Variants in RIN3 observed in about 807,000 individuals in gnomAD.
RIN3 encodes RAB5 interacting protein 3.
In RIN3, 54 loss-of-function variants were observed where a neutral mutation model predicts 76.3. The ratio of observed to expected loss-of-function variants is 0.71; its 90% CI spans 0.57 to 0.89. RIN3 has a LOEUF of 0.89. Ranked by LOEUF, RIN3 falls within the 40% of genes least tolerant of loss-of-function variation. The probability of loss-of-function intolerance (pLI) is 0.00; values close to 1 mark genes in which losing one functional copy is unlikely to be tolerated. For synonymous variants in RIN3, 576 were observed against 564.0 expected (o/e 1.02, Z -0.30); for missense variants, 1,256 against 1,322.1 (o/e 0.95, Z 0.78).
chr14:92,603,321 C>T (rs1019211798), intron 3 of RIN3, among the ~76,000 whole-genome samples: 5 of 152,226 alleles, frequency 3.3e-5, no homozygotes, highest in Admixed American at 2.6e-4. Flanking sequence ...CTTCCAGCTC[C>T]CTGAACCCTA....
In RIN3 at chr14:92,550,448, C is replaced by G. The variant is rs561591243; in HGVS notation, c.45-5303C>G. Among the ~76,000 whole-genome samples, 42 of 151,818 alleles carry G rather than the reference C, an allele frequency of 2.8e-4. No individual in the cohort carries two copies. In the South Asian group the frequency reaches 8.6e-3, roughly 31 times the overall value. On this transcript the variant is annotated intron_variant, in intron 1 of 9. Coordinates refer to ENST00000216487, the MANE Select transcript of RIN3 (RefSeq NM_024832.5). ...ATTCATTTTGAGACAGGGTCTTGTT[C>G]TGTTACCCAGGCTGGAATGCAATGA...
chr14:92,653,483 A>T (rs1381021637), intron 6 of RIN3, among the ~76,000 whole-genome samples: 1 of 152,014 alleles, frequency 6.6e-6, no homozygotes, highest in African/African-American at 2.4e-5. Context: ...GCGGCTTCCC[A>T]CTGCGCTCAC....
intron 1 of RIN3, among the ~76,000 whole-genome samples, chr14:92,520,862 A>G (rs1055224640): frequency 6.6e-6 from 1 of 152,196 alleles, no homozygotes; most frequent in South Asian, 2.1e-4. Flanking sequence ...AATCTCAGTC[A>G]ATGTCAGAGA....
chr14:92,534,851 G>T (rs769018064), intron 1 of RIN3, among the ~76,000 whole-genome samples: 6 of 152,134 alleles, frequency 3.9e-5, no homozygotes, highest in Admixed American at 2.6e-4. Flanking sequence ...TGTTCCCCCT[G>T]AAGTGTTCAC....
Position 92,652,326 on chromosome 14 carries a change from C to T in RIN3, c.1277C>T (p.Pro426Leu). 6.2e-7 allele frequency: 1 copy of T among 1,604,350 alleles called. No homozygotes were observed. Among genetic ancestry groups the T allele is most frequent in the Non-Finnish European group, 8.5e-7 (1 of 1,174,046 alleles). Residue 426 changes from proline (P) to leucine (L), a missense_variant, in exon 6 of 10, where the codon CCC (proline) becomes CTC (leucine). Around this residue, in one of 3 missense-constraint regions of RIN3, gnomAD observed 610 missense variants for 626.4 expected, o/e 0.97. Transcript: ENST00000216487. The surrounding 1 kb of genome is among the most constrained non-coding windows in gnomAD (Gnocchi z 6.4). ...ACCTCAGACGGCCCTGAGGACACGCCCCGGGAGAGCACGGAGCAAGGCCAG... is the reference window on the plus strand; with the variant it reads ...ACCTCAGACGGCCCTGAGGACACGCTCCGGGAGAGCACGGAGCAAGGCCAG... Reference protein sequence around the residue: ...QGTSDGPEDTPRESTEQGQDT... With the variant: ...QGTSDGPEDTLRESTEQGQDT...
chr14:92,655,703 G>C (rs192819332), intron 6 of RIN3, among the ~76,000 whole-genome samples: 1 of 152,354 alleles, frequency 6.6e-6, no homozygotes, highest in East Asian at 1.9e-4. Flanking sequence ...CAGCACAGAT[G>C]GGGAGACATG....
chr14:92,553,567 T>C (rs976807709), intron 1 of RIN3, among the ~76,000 whole-genome samples: 1 of 152,064 alleles, frequency 6.6e-6, no homozygotes, highest in Non-Finnish European at 1.5e-5. Flanking sequence ...GCCCCAGGAT[T>C]CCTGCCATTC....
chr14:92,521,781 A>T (rs2139993588), intron 1 of RIN3, among the ~76,000 whole-genome samples: 1 of 152,334 alleles, frequency 6.6e-6, no homozygotes, highest in South Asian at 2.1e-4. Context: ...CAACACAGAA[A>T]ATAAGAGAAA....
In RIN3 at chr14:92,547,101, A is replaced by ATTAT. The variant is rs1897290899; in HGVS notation, c.45-8650_45-8649insTTAT. Among the ~76,000 whole-genome samples, 9 of 77,528 alleles carry ATTAT rather than the reference A, an allele frequency of 1.2e-4. 2 individuals carry two copies. The highest frequency in any genetic ancestry group is 8.3e-4 in the South Asian group (2 of 2,418). The allele number at this position is 77,528 out of a possible 152,430, so 50.9% of individuals were successfully genotyped here. A position where few individuals can be genotyped will look rare whatever the true frequency, so the allele number is the denominator to read the frequency against. ...TATTATATTATATTATATTATAATTAAATAAATTATCTTTATTTTATTATT... is the reference window on the plus strand; with the variant it reads ...TATTATATTATATTATATTATAATTATTATAATAAATTATCTTTATTTTATTATT... On this transcript the variant is annotated intron_variant, in intron 1 of 9. Coordinates refer to ENST00000216487, the MANE Select transcript of RIN3 (RefSeq NM_024832.5).
chr14:92,679,289 C>T (rs1315156143), intron 8 of RIN3, among the ~76,000 whole-genome samples: 1 of 152,158 alleles, frequency 6.6e-6, no homozygotes, highest in African/African-American at 2.4e-5. Flanking sequence ...CCTGGCAGCC[C>T]TGTCTGACCA....
chr14:92,525,707 CA>C (rs968511175), intron 1 of RIN3, among the ~76,000 whole-genome samples: 64 of 152,260 alleles, frequency 4.2e-4, no homozygotes, highest in African/African-American at 1.5e-3. Flanking sequence ...CCAAAGCCCC[CA>C]ATTCCCCTCA....
chr14:92,580,624 C>T (rs1039199870), intron 3 of RIN3, among the ~76,000 whole-genome samples: 1 of 152,286 alleles, frequency 6.6e-6, no homozygotes, highest in African/African-American at 2.4e-5. Flanking sequence ...TTCCCACTCA[C>T]AGGCAAGATT....
chr14:92,543,744 G>T (rs1344574004), intron 1 of RIN3, among the ~76,000 whole-genome samples: 1 of 150,042 alleles, frequency 6.7e-6, no homozygotes, highest in Non-Finnish European at 1.5e-5. Flanking sequence ...CACCACACCC[G>T]GCTAATTTTT....
intron 8 of RIN3, among the ~76,000 whole-genome samples, chr14:92,679,335 G>A (rs1957665): frequency 0.29 from 43,493 of 152,016 alleles, 7,071 homozygotes; most frequent in Non-Finnish European, 0.36. Context: ...CAGCTCCAGG[G>A]GCCAGAGGAC....
At chr14:92,530,571 C>T (rs891547766) in intron 1 of RIN3, among the ~76,000 whole-genome samples, 19 of 151,736 alleles carry the variant, frequency 1.3e-4, no homozygotes, top group Admixed American at 1.3e-3. Context: ...GCCCAGTTTA[C>T]AGGCGAGGAA....
At position 92,621,153 on chromosome 14, in the gene RIN3, G is replaced by A. The variant is rs558678208; in HGVS notation, c.440+5674G>A. Among the ~76,000 whole-genome samples the A allele has an allele frequency of 3.5e-5, 5 of 143,926 alleles. No individual in the cohort carries two copies. In the East Asian group the frequency reaches 6.1e-4, roughly 18 times the overall value. 94.4% of individuals were successfully genotyped at this position (143,926 alleles called of 152,430 possible). On this transcript the variant is annotated intron_variant, in intron 4 of 9. Coordinates refer to ENST00000216487, the MANE Select transcript of RIN3 (RefSeq NM_024832.5). ...CAGGAGGCTGAGGCAGGAGAATGGC[G>A]TGAACCCGGAAGGCGGAGCTTGCAG...
intron 3 of RIN3, among the ~76,000 whole-genome samples, chr14:92,583,251 G>A (rs1176192069): frequency 6.6e-6 from 1 of 152,232 alleles, no homozygotes; most frequent in Non-Finnish European, 1.5e-5. Context: ...AAGAGACGTG[G>A]GGATACCCCA....
intron 3 of RIN3, among the ~76,000 whole-genome samples, chr14:92,597,570 C>T (rs1450640027): frequency 6.6e-6 from 1 of 152,204 alleles, no homozygotes; most frequent in Non-Finnish European, 1.5e-5. Context: ...CCTCTTCAAT[C>T]TCAGTTTCCT....
At chr14:92,609,233 G>A (rs1313892362) in intron 3 of RIN3, among the ~76,000 whole-genome samples, 1 of 152,180 alleles carries the variant, frequency 6.6e-6, no homozygotes, top group Non-Finnish European at 1.5e-5. Flanking sequence ...TTGATGTTGA[G>A]ATTGTGAGTG....
Sources: gnomAD v4.1 joint callset for allele counts (sites outside exome capture counted in the v4.1 genomes callset) on GRCh38, gnomAD v4.1.1 for gene constraint, gnomAD v4.1.1 regional missense constraint, Gnocchi (gnomAD v3.1) non-coding constraint, MANE v1.5 for transcripts, NCBI Gene and HGNC (gene_info 2026-07-23, HGNC 2026-07-21) for gene names.